The following SLC25A33 variants were observed in gnomAD, a reference collection of about 807,000 sequenced individuals.
The protein encoded by SLC25A33 is solute carrier family 25 member 33.
Under a neutral mutation model 35.5 loss-of-function variants are expected in SLC25A33, and 15 were observed. That is an observed-to-expected ratio of 0.42 (90% CI 0.28 to 0.65). The LOEUF (loss-of-function observed/expected upper bound fraction) is 0.65. Ranked by LOEUF, SLC25A33 falls within the 30% of genes least tolerant of loss-of-function variation. SLC25A33 has a pLI of 0.20. For synonymous variants in SLC25A33, 136 were observed against 148.7 expected (o/e 0.91, Z 0.62); for missense variants, 257 against 398.5 (o/e 0.64, Z 3.02).
rs1396734975 is a variant in SLC25A33 at position 9,564,737 on chromosome 1, A to ATATATATAT, written c.237-2547_237-2546insTATATATAT. Among the ~76,000 whole-genome samples, 164 of 72,618 alleles carry ATATATATAT rather than the reference A, an allele frequency of 2.3e-3. 1 individual carries two copies. The highest frequency in any genetic ancestry group is 2.8e-3 in the South Asian group (4 of 1,428). The allele number at this position is 72,618 out of a possible 152,430, so 47.6% of individuals were successfully genotyped here. A position where few individuals can be genotyped will look rare whatever the true frequency, so the allele number is the denominator to read the frequency against. On this transcript the variant is annotated intron_variant, in intron 2 of 6. Transcript: ENST00000302692. ...CCTCGTCTCTATTTAAAAAAAAAAA[A>ATATATATAT]AAATATATATATATATATATATATA...
chr1:9,558,050 T>C (rs1643370593), intron 2 of SLC25A33, among the ~76,000 whole-genome samples: 1 of 152,196 alleles, frequency 6.6e-6, no homozygotes, highest in Non-Finnish European at 1.5e-5. Context: ...TGCACAACCT[T>C]AGCAGATGAG....
chr1:9,569,476 A>G (rs992321644), intron 3 of SLC25A33, among the ~76,000 whole-genome samples: 3 of 152,248 alleles, frequency 2.0e-5, no homozygotes, highest in African/African-American at 7.2e-5. Context: ...ATGCTCCTAC[A>G]GTGTAACCCT....
At chr1:9,553,230 G>GTTTTTTTTTTTTTTTTTTT (rs1340250968) in intron 1 of SLC25A33, among the ~76,000 whole-genome samples, 1 of 91,214 alleles carries the variant, frequency 1.1e-5, no homozygotes, top group Non-Finnish European at 2.0e-5. Flanking sequence ...TTTTTTTTGG[G>GTTTTTTTTTTTTTTTTTTT]TTTTTTTTTT....
intron 4 of SLC25A33, among the ~76,000 whole-genome samples, chr1:9,572,950 C>T (rs1240469885): frequency 6.6e-6 from 1 of 151,628 alleles, no homozygotes; most frequent in Non-Finnish European, 1.5e-5. Flanking sequence ...GGCATACTCA[C>T]CAAATGGTTA....
intron 1 of SLC25A33, among the ~76,000 whole-genome samples, chr1:9,540,590 T>G (rs933653724): frequency 6.6e-6 from 1 of 152,136 alleles, no homozygotes; most frequent in African/African-American, 2.4e-5. Context: ...CTTTTTTCCT[T>G]TATCACAGCC....
intron 2 of SLC25A33, among the ~76,000 whole-genome samples, chr1:9,564,763 T>TATATATATATATATATATATAC (rs1643478853): frequency 7.7e-6 from 1 of 129,672 alleles, no homozygotes; most frequent in African/African-American, 3.0e-5. Context: ...TATATATATA[T>TATATATATATATATATATATAC]ATACACAAAA....
chr1:9,550,150 A>C (rs1643246213), intron 1 of SLC25A33, among the ~76,000 whole-genome samples: 1 of 146,846 alleles, frequency 6.8e-6, no homozygotes, highest in Non-Finnish European at 1.5e-5. Context: ...ACAGGTGTAC[A>C]CCACCATGCC....
At chr1:9,562,902 A>G (rs1187442546) in intron 2 of SLC25A33, among the ~76,000 whole-genome samples, 1 of 148,548 alleles carries the variant, frequency 6.7e-6, no homozygotes, top group Non-Finnish European at 1.5e-5. Context: ...CTGACTTACT[A>G]CTTTTTAAAA....
chr1:9,561,107 AT>A (rs1191845378), intron 2 of SLC25A33, among the ~76,000 whole-genome samples: 1 of 151,570 alleles, frequency 6.6e-6, no homozygotes, highest in Non-Finnish European at 1.5e-5. Context: ...CGCCCGGCTA[AT>A]TTTTTTTGTA....
chr1:9,580,277 C>A, intron 6 of SLC25A33, 43 bp downstream of exon 6: 1 of 1,593,412 alleles, frequency 6.3e-7, no homozygotes, highest in South Asian at 1.1e-5. Flanking sequence ...AAACAGCTGT[C>A]ACGTTTGTTG....
intron 2 of SLC25A33, among the ~76,000 whole-genome samples, chr1:9,557,000 G>A (rs894775401): frequency 3.9e-5 from 6 of 152,228 alleles, no homozygotes; most frequent in Non-Finnish European, 5.9e-5. Flanking sequence ...GTGCAATGGC[G>A]TGATCTCGGC....
At chr1:9,556,198 G>A (rs774151133) in intron 2 of SLC25A33, 195 of 985,232 alleles carry the variant, frequency 2.0e-4, no homozygotes, top group Non-Finnish European at 2.3e-4. Context: ...CCAGTGTCCC[G>A]GGTGACACCT....
At position 9,573,517 on chromosome 1, in the gene SLC25A33, C is replaced by A. The variant is rs574138982; in HGVS notation, c.482+105C>A. 1.3e-4 allele frequency: 121 copies of A among 905,386 alleles called. No homozygotes were observed. In the East Asian group the frequency reaches 2.2e-3, roughly 17 times the overall value. 56.1% of individuals were successfully genotyped at this position (905,386 alleles called of 1,614,324 possible). A position where few individuals can be genotyped will look rare whatever the true frequency, so the allele number is the denominator to read the frequency against. ...AGGATGAGATATAGAGATGTACCCC[C>A]CTCCTCGTTTCCTTAATCTAAGTGC... On this transcript the variant is annotated intron_variant, in intron 5 of 6. Transcript: ENST00000302692.
At chr1:9,553,150 C>G (rs1643289763) in intron 1 of SLC25A33, among the ~76,000 whole-genome samples, 2 of 89,186 alleles carry the variant, frequency 2.2e-5, no homozygotes, top group African/African-American at 7.7e-5. Flanking sequence ...CCTCGGCCTC[C>G]CAAAGTGCTG....
At chr1:9,558,654 A>G (rs551341790) in intron 2 of SLC25A33, among the ~76,000 whole-genome samples, 1 of 152,254 alleles carries the variant, frequency 6.6e-6, no homozygotes, top group East Asian at 1.9e-4. Context: ...CTTGGATCTT[A>G]TTTCTCAGCC....
chr1:9,553,199 TTTTG>T (rs1643291183), intron 1 of SLC25A33, among the ~76,000 whole-genome samples: 4 of 123,506 alleles, frequency 3.2e-5, no homozygotes, highest in African/African-American at 1.1e-4. Context: ...TGTGTTCTAG[TTTTG>T]TTTTTTTTTT....
At chr1:9,576,699 T>C in intron 5 of SLC25A33, 1 of 685,596 alleles carries the variant, frequency 1.5e-6, no homozygotes, top group Non-Finnish European at 2.7e-6. Flanking sequence ...GGTCTGCGTA[T>C]GCTCACTTCC....
At chr1:9,576,769 GA>G in intron 5 of SLC25A33, 7 of 1,126,402 alleles carry the variant, frequency 6.2e-6, no homozygotes, top group East Asian at 2.9e-5. Flanking sequence ...TTTCTTGGAT[GA>G]AAAATACACC....
chr1:9,563,684 A>G (rs573083538), intron 2 of SLC25A33, among the ~76,000 whole-genome samples: 28 of 152,300 alleles, frequency 1.8e-4, no homozygotes, highest in Middle Eastern at 3.4e-3. Context: ...TCTGTGTGTT[A>G]TAATGAAAGT....
Sources: allele counts gnomAD v4.1 joint callset (sites outside exome capture counted in the v4.1 genomes callset), GRCh38; gene constraint gnomAD v4.1.1; transcripts MANE v1.5; gene names NCBI Gene and HGNC (gene_info 2026-07-23, HGNC 2026-07-21).